ZNF618: variants seen among roughly 807,000 people sequenced by gnomAD.
ZNF618 encodes zinc finger protein 618, also known as neural precursor cell expressed, developmentally down-regulated 10.
ZNF618 carries 34 observed loss-of-function variants against 103.0 expected under a neutral mutation model. The observed-to-expected ratio is 0.33, with a 90% CI of 0.25 to 0.44. ZNF618 has a LOEUF of 0.44. ZNF618 is among the 20% of genes least tolerant of loss of function. ZNF618 has a pLI of 1.00. For synonymous variants in ZNF618, 551 were observed against 542.2 expected, an observed-to-expected ratio of 1.02 and a Z score of -0.23; for missense variants, 1,059 against 1,295.4, an observed-to-expected ratio of 0.82 and a Z score of 2.80.
intron 1 of ZNF618, among the ~76,000 whole-genome samples, chr9:113,898,187 T>G (rs1830204427): frequency 6.6e-6 from 1 of 152,254 alleles, no homozygotes; most frequent in African/African-American, 2.4e-5. Flanking sequence ...TTAATTTTAC[T>G]GAGCACACAA....
intron 9 of ZNF618, among the ~76,000 whole-genome samples, chr9:114,014,541 C>T (rs760545819): frequency 5.9e-5 from 9 of 152,142 alleles, no homozygotes; most frequent in Non-Finnish European, 8.8e-5. Context: ...GCATTTTGTG[C>T]CAGCACTTAG....
Position 114,002,080 on chromosome 9 carries a change from G to GGA in ZNF618, c.511+9_511+10dup. 6.2e-7 allele frequency: 1 copy of GGA among 1,612,048 alleles called. No homozygotes were observed. Among genetic ancestry groups the GGA allele is most frequent in the Non-Finnish European group, 8.5e-7 (1 of 1,179,618 alleles). On this transcript the variant is annotated splice_region_variant and intron_variant, in intron 5 of 14. Coordinates refer to ENST00000374126, the MANE Select transcript of ZNF618 (RefSeq NM_001318042.2). Reference sequence around the variant, plus strand: ...CACGTGCGGGCGCACCGAGGTGAGAGGAGTGTCCCTGGGGCAGAGCCCAGG... The same window carrying GGA: ...CACGTGCGGGCGCACCGAGGTGAGAGGAGAGTGTCCCTGGGGCAGAGCCCAGG...
At chr9:114,021,573 T>C (rs1479030155) in intron 10 of ZNF618, among the ~76,000 whole-genome samples, 1 of 152,076 alleles carries the variant, frequency 6.6e-6, no homozygotes. Flanking sequence ...TTTTAAATAT[T>C]GATTGAAGTA....
rs957367726 is a variant in ZNF618 at position 113,883,346 on chromosome 9, C to G, written c.33+6933C>G. 2.0e-5 allele frequency among the ~76,000 whole-genome samples: 3 copies of G among 152,220 alleles called. No individual in the cohort carries two copies. The East Asian group carries it at 5.8e-4, about 29-fold the overall frequency. ...ATGACTTTCACCCCTGCCCTCCTCA[C>G]TCCTTTTGTATAAAGTATTTCTTTA... is the stretch of plus-strand genomic sequence containing the variant. On this transcript the variant is annotated intron_variant, in intron 1 of 14. Transcript: ENST00000374126.
At chr9:113,904,488 T>C (rs980279634) in intron 1 of ZNF618, among the ~76,000 whole-genome samples, 20 of 152,360 alleles carry the variant, frequency 1.3e-4, no homozygotes, top group Non-Finnish European at 2.8e-4. Flanking sequence ...CCTGATTGTT[T>C]TAGTGCTGGC....
chr9:114,000,287 C>T (rs564342921), intron 4 of ZNF618, among the ~76,000 whole-genome samples: 98 of 152,050 alleles, frequency 6.4e-4, no homozygotes, highest in African/African-American at 2.3e-3. Context: ...AATCAGAGTC[C>T]GGTTTTGCAG....
Position 113,897,119 on chromosome 9 carries a change from G to GT in ZNF618, c.33+20712dup, listed in dbSNP as rs1191188020. 9.2e-5 allele frequency among the ~76,000 whole-genome samples: 14 copies of GT among 152,164 alleles called. No homozygotes were observed. The South Asian group carries it at 2.3e-3, about 25-fold the overall frequency. On this transcript the variant is annotated intron_variant, in intron 1 of 14. Coordinates refer to ENST00000374126, the MANE Select transcript of ZNF618 (RefSeq NM_001318042.2). Reference sequence around the variant, plus strand: ...AAAAACTCAGAGTCTTGAGATCTGTGTTTTTTAATATGGAACTTACCCCCG... The same window carrying GT: ...AAAAACTCAGAGTCTTGAGATCTGTGTTTTTTTAATATGGAACTTACCCCCG...
intron 9 of ZNF618, among the ~76,000 whole-genome samples, chr9:114,013,571 C>T (rs557314982): frequency 5.6e-4 from 85 of 152,260 alleles, no homozygotes; most frequent in Non-Finnish European, 2.8e-4. Context: ...GCTGGGACTA[C>T]AGGCGCCCGC....
intron 4 of ZNF618, among the ~76,000 whole-genome samples, chr9:114,001,715 C>T (rs1161713275): frequency 6.6e-6 from 1 of 152,182 alleles, no homozygotes; most frequent in Non-Finnish European, 1.5e-5. Context: ...AGGTGTAGGG[C>T]TGAGAATTAG....
chr9:113,967,617 A>G (rs754747699), intron 1 of ZNF618, among the ~76,000 whole-genome samples: 92 of 152,168 alleles, frequency 6.0e-4, no homozygotes, highest in Non-Finnish European at 1.0e-3. Flanking sequence ...GACTTTTGAT[A>G]AATACATTCT....
intron 6 of ZNF618, 62 bp from the exon 7 acceptor site, chr9:114,007,287 GA>G: frequency 6.7e-7 from 1 of 1,496,676 alleles, no homozygotes; most frequent in Non-Finnish European, 9.2e-7. Flanking sequence ...GATCTGGCCA[GA>G]AAAACCCCAC....
At chr9:114,019,993 T>A (rs1842943166) in intron 10 of ZNF618, among the ~76,000 whole-genome samples, 1 of 152,228 alleles carries the variant, frequency 6.6e-6, no homozygotes, top group African/African-American at 2.4e-5. Context: ...CATTTATGTC[T>A]GTGATATATT....
At chr9:114,047,851 C>A in intron 13 of ZNF618, 42 bp from the exon 14 acceptor site, 1 of 1,542,482 alleles carries the variant, frequency 6.5e-7, no homozygotes, top group Non-Finnish European at 8.8e-7. Context: ...CAACAGGCCT[C>A]TTACCCTTCC....
At chr9:113,907,624 C>G (rs1455688404) in intron 1 of ZNF618, among the ~76,000 whole-genome samples, 1 of 152,204 alleles carries the variant, frequency 6.6e-6, no homozygotes, top group African/African-American at 2.4e-5. Flanking sequence ...CATGAGTAGG[C>G]AAGCGCTTTC....
At position 113,911,102 on chromosome 9, in the gene ZNF618, G is replaced by A. The variant is rs537309482; in HGVS notation, c.33+34689G>A. On this transcript the variant is annotated intron_variant, in intron 1 of 14. Transcript: ENST00000374126. ...GCCTGCCTTGGCCTTCCAAAGTGCT[G>A]GGATCACAGGAGTGAGCCACCGCGC... Among the ~76,000 whole-genome samples, 306 of 152,258 alleles carry A rather than the reference G, an allele frequency of 2.0e-3. 1 individual carries two copies. The highest frequency in any genetic ancestry group is 7.1e-3 in the African/African-American group (294 of 41,546).
intron 2 of ZNF618, 119 bp downstream of exon 2, chr9:113,969,279 C>A: frequency 7.9e-7 from 1 of 1,259,338 alleles, no homozygotes; most frequent in Non-Finnish European, 1.2e-6. Context: ...CAGGCCAGCC[C>A]TCCTTGGCAA....
rs1827930258 is a variant in ZNF618 at position 113,876,408 on chromosome 9, C to T, written c.28C>T (p.Pro10Ser). The T allele has an allele frequency of 5.0e-6, 6 of 1,202,582 alleles. No homozygotes were observed. The highest frequency in any genetic ancestry group is 8.3e-5 in the South Asian group (2 of 24,106). The allele number at this position is 1,202,582 out of a possible 1,614,324, so 74.5% of individuals were successfully genotyped here. The change falls in exon 1 of 15, where the codon CCG (proline) becomes TCG (serine). Residue 10 changes from proline to serine, a missense_variant. Physicochemically the swap from Pro to Ser is moderately conservative, Grantham distance 74. Around this residue, in one of 6 missense-constraint regions of ZNF618, gnomAD observed 194 missense variants for 209.0 expected, o/e 0.93. Coordinates refer to ENST00000374126, the MANE Select transcript of ZNF618 (RefSeq NM_001318042.2). ...GAACCAGCCGGGCGGCGCGGCGGCT[C>T]CGCAGGTACGACGGGGGGCCGGGGG... MNQPGGAAA[P>S]QADGASAAGR...
intron 3 of ZNF618, among the ~76,000 whole-genome samples, chr9:113,994,800 T>G (rs935204437): frequency 3.3e-5 from 5 of 152,324 alleles, no homozygotes; most frequent in African/African-American, 4.8e-5. Flanking sequence ...CAAACATTTG[T>G]TTTTGCTCAA....
intron 1 of ZNF618, among the ~76,000 whole-genome samples, chr9:113,913,108 C>A (rs1345878834): frequency 6.6e-6 from 1 of 152,154 alleles, no homozygotes; most frequent in Non-Finnish European, 1.5e-5. Flanking sequence ...GAGTGGATTT[C>A]ACCAGGAACC....
Sources: allele counts gnomAD v4.1 joint callset (sites outside exome capture counted in the v4.1 genomes callset), GRCh38; gene constraint gnomAD v4.1.1; regional missense constraint gnomAD v4.1.1; transcripts MANE v1.5; gene names NCBI Gene and HGNC (gene_info 2026-07-23, HGNC 2026-07-21).